The following SUN1 variants were observed in gnomAD, a reference collection of about 807,000 sequenced individuals.
The protein encoded by SUN1 is Sad1 and UNC84 domain containing 1.
SUN1 carries 61 observed loss-of-function variants against 103.2 expected under a neutral mutation model. The ratio of observed to expected loss-of-function variants is 0.59; its 90% CI spans 0.48 to 0.73. The LOEUF is 0.73. SUN1 is among the 30% of genes least tolerant of loss of function. The pLI is 0.00. For synonymous variants in SUN1, 490 were observed against 425.7 expected (o/e 1.15, Z -1.86); for missense variants, 1,052 against 1,034.6 (o/e 1.02, Z -0.23).
At chr7:860,471 CTTGTT>C (rs1831317959) in intron 14 of SUN1, 89 bp downstream of exon 14, 2 of 1,556,304 alleles carry the variant, frequency 1.3e-6, no homozygotes, top group African/African-American at 1.4e-5. Context: ...ATGTTGATGT[CTTGTT>C]TTAAGAGTGG....
intron 6 of SUN1, 68 bp from the exon 7 acceptor site, chr7:851,882 A>G: frequency 6.5e-7 from 1 of 1,529,446 alleles, no homozygotes; most frequent in Non-Finnish European, 9.0e-7. Flanking sequence ...CTTCACAGAA[A>G]TGGTCCATTT....
At position 866,137 on chromosome 7, in the gene SUN1, G is replaced by A. The variant is rs1283092828; in HGVS notation, c.1980+70G>A. 2.2e-6 allele frequency: 3 copies of A among 1,351,450 alleles called. No individual in the cohort carries two copies. The African/African-American group carries it at 4.3e-5, about 19-fold the overall frequency. The allele number at this position is 1,351,450 out of a possible 1,614,324, so 83.7% of individuals were successfully genotyped here. ...CTCGGTTAGTGTTCACGGGTCGTAG[G>A]TCCACAGCTCCATGGAACTTCGTAA... is the stretch of plus-strand genomic sequence containing the variant. On this transcript the variant is annotated intron_variant, in intron 16 of 18. Coordinates refer to ENST00000401592, the MANE Select transcript of SUN1 (RefSeq NM_001130965.3).
In SUN1 at chr7:837,238, C is replaced by T. The variant is rs374419992; in HGVS notation, c.78-1560C>T. 3.3e-5 allele frequency among the ~76,000 whole-genome samples: 5 copies of T among 152,254 alleles called. No homozygotes were observed. In the East Asian group the frequency reaches 7.7e-4, roughly 24 times the overall value. On this transcript the variant is annotated intron_variant, in intron 1 of 18. Transcript: ENST00000401592. ...CGTGGCTGGAAGAGCTGGGGCGAGC[C>T]GGGGTCTGTGGCTGGAGTCGGTGTC...
At chr7:818,870 CTT>C (rs60200782) in intron 1 of SUN1, among the ~76,000 whole-genome samples, 1,586 of 148,116 alleles carry the variant, frequency 0.011, 27 homozygotes, top group African/African-American at 0.032. Context: ...CCCTCCCCCC[CTT>C]TTTTTTTTTG....
upstream of SUN1, among the ~76,000 whole-genome samples, chr7:829,747 T>G (rs933155617): frequency 6.6e-6 from 1 of 152,022 alleles, no homozygotes; most frequent in Non-Finnish European, 1.5e-5. Context: ...GTAAAGACGG[T>G]GTTTCACTGT....
intron 1 of SUN1, among the ~76,000 whole-genome samples, chr7:834,249 T>G (rs575560992): frequency 6.6e-6 from 1 of 151,834 alleles, no homozygotes; most frequent in African/African-American, 2.4e-5. Flanking sequence ...GGCTGGGAAT[T>G]TGGACTCTCG....
intron 13 of SUN1, among the ~76,000 whole-genome samples, chr7:858,283 G>A (rs567983677): frequency 1.3e-5 from 2 of 152,128 alleles, no homozygotes; most frequent in African/African-American, 4.8e-5. Context: ...TCAAACTCCT[G>A]ACTCCAAGTG....
Position 857,951 on chromosome 7 carries a change from A to G in SUN1, c.1518A>G (p.Gln506=). 6.4e-7 allele frequency: 1 copy of G among 1,565,268 alleles called. No individual in the cohort carries two copies. Among genetic ancestry groups the G allele is most frequent in the South Asian group, 1.2e-5 (1 of 86,438 alleles). ...GCTGTGAGACAGTGGATGCCGTACA[A>G]GAAAGAGTGAGCTTTCTGCATGTTT... is the stretch of plus-strand genomic sequence containing the variant. The part of the protein sequence containing the change: ...KTGCETVDAV[Q]ERVDVQVREM... The change falls in exon 13 of 19, where the codon CAA becomes CAG. Residue 506 remains glutamine (Q), a synonymous_variant. Coordinates refer to ENST00000401592, the MANE Select transcript of SUN1 (RefSeq NM_001130965.3).
In SUN1 at chr7:873,483, C is replaced by T. The variant is rs190215765; in HGVS notation, c.*152C>T. 923 of 781,392 alleles carry T rather than the reference C, an allele frequency of 1.2e-3. 3 individuals carry two copies. The highest frequency in any genetic ancestry group is 0.012 in the African/African-American group (665 of 57,174). 48.4% of individuals were successfully genotyped at this position (781,392 alleles called of 1,614,324 possible). A position where few individuals can be genotyped will look rare whatever the true frequency, so the allele number is the denominator to read the frequency against. Reference sequence around the variant, plus strand: ...CTGGCCAGAGGACGTGAGCGTGTGACGGGCGCCTTGGCGCCACCTGTTGGG... The same window carrying T: ...CTGGCCAGAGGACGTGAGCGTGTGATGGGCGCCTTGGCGCCACCTGTTGGG... On this transcript the variant is annotated 3_prime_UTR_variant, in exon 19 of 19. Coordinates refer to ENST00000401592, the MANE Select transcript of SUN1 (RefSeq NM_001130965.3).
intron 5 of SUN1, among the ~76,000 whole-genome samples, chr7:851,002 G>A (rs2128377128): frequency 6.6e-6 from 1 of 152,242 alleles, no homozygotes; most frequent in South Asian, 2.1e-4. Context: ...GGTGTCTATG[G>A]AATTTCAATC....
intron 15 of SUN1, among the ~76,000 whole-genome samples, chr7:865,203 G>A (rs1835487715): frequency 6.6e-6 from 1 of 151,722 alleles, no homozygotes; most frequent in Non-Finnish European, 1.5e-5. Context: ...CTCACTACCG[G>A]TTCAAGCGAT....
At chr7:821,232 C>G (rs1334484040) in intron 1 of SUN1, among the ~76,000 whole-genome samples, 1 of 125,254 alleles carries the variant, frequency 8.0e-6, no homozygotes, top group Non-Finnish European at 1.6e-5. Context: ...TGCAGTGGAG[C>G]GATCTCGGCT....
intron 15 of SUN1, among the ~76,000 whole-genome samples, chr7:864,661 C>T (rs1022950088): frequency 9.2e-5 from 14 of 152,130 alleles, no homozygotes; most frequent in African/African-American, 3.4e-4. Context: ...AAGAGTCTCG[C>T]TCTGTCGCCC....
rs773388807 is a variant in SUN1 at position 860,319 on chromosome 7, C to T, written c.1716C>T (p.Leu572=). The T allele has an allele frequency of 3.1e-6, 5 of 1,614,236 alleles. No individual in the cohort carries two copies. The highest frequency in any genetic ancestry group is 4.2e-6 in the Non-Finnish European group (5 of 1,180,052). The change falls in exon 14 of 19, where the codon CTC becomes CTT. Residue 572 remains leucine, a synonymous_variant. Coordinates refer to ENST00000401592, the MANE Select transcript of SUN1 (RefSeq NM_001130965.3). ...VTHHVSVTKQ[L]PTSEAVVSAV... is the part of the protein sequence containing the mutation. ...ACCACGTTTCCGTGACCAAGCAGCT[C>T]CCAACCTCAGAAGCCGTGGTGTCTG... is the stretch of plus-strand genomic sequence containing the variant.
chr7:867,302 C>T (rs1562821011), intron 16 of SUN1, among the ~76,000 whole-genome samples: 3 of 152,404 alleles, frequency 2.0e-5, no homozygotes, highest in Middle Eastern at 6.8e-3. Context: ...CTGCGCTTGG[C>T]ATGCGGCTGC....
At chr7:852,529 AT>A in intron 7 of SUN1, 79 bp from the exon 8 acceptor site, 1 of 1,582,842 alleles carries the variant, frequency 6.3e-7, no homozygotes, top group Non-Finnish European at 8.7e-7. Flanking sequence ...TTTGCACAAA[AT>A]TATCTAGAGG....
At chr7:872,423 G>C (rs887009353) in intron 17 of SUN1, 47 bp from the exon 18 acceptor site, 2 of 1,496,804 alleles carry the variant, frequency 1.3e-6, no homozygotes, top group African/African-American at 2.8e-5. Context: ...TCTCTGCTCA[G>C]TGTTATTTTT....
chr7:837,744 C>T (rs1398093010), intron 1 of SUN1, among the ~76,000 whole-genome samples: 1 of 152,204 alleles, frequency 6.6e-6, no homozygotes, highest in Non-Finnish European at 1.5e-5. Context: ...GCATCCGTGT[C>T]CTCCTGTCTC....
At position 852,960 on chromosome 7, in the gene SUN1, G is replaced by T. The variant is rs750944051; in HGVS notation, c.1053+8G>T. ...CTGAAGCAGCCTCTGCAGGTAAGAG[G>T]GTAGAAAGGCCTCTCAGCTGGCACT... On this transcript the variant is annotated splice_region_variant and intron_variant, in intron 9 of 18. Transcript: ENST00000401592. 3.7e-6 allele frequency: 6 copies of T among 1,608,574 alleles called. No homozygotes were observed. The highest frequency in any genetic ancestry group is 1.7e-5 in the Admixed American group (1 of 59,210).
Sources: allele counts gnomAD v4.1 joint callset (sites outside exome capture counted in the v4.1 genomes callset), GRCh38; gene constraint gnomAD v4.1.1; transcripts MANE v1.5; gene names NCBI Gene and HGNC (gene_info 2026-07-23, HGNC 2026-07-21).